The following LIMA1 variants were observed in gnomAD, a reference collection of about 807,000 sequenced individuals.
The protein encoded by LIMA1 is LIM domain and actin binding 1.
LIMA1 carries 52 observed loss-of-function variants against 62.6 expected under a neutral mutation model. The ratio of observed to expected loss-of-function variants is 0.83; its 90% CI spans 0.67 to 1.05. The LOEUF (loss-of-function observed/expected upper bound fraction) is 1.05. Among genes scored for constraint, LIMA1 ranks in the 50% least tolerant of loss-of-function variants. The pLI is 0.00. For missense variants in LIMA1, 780 were observed against 902.2 expected (o/e 0.86, Z 1.74); for synonymous variants, 302 against 317.8 (o/e 0.95, Z 0.53).
chr12:50,212,494 T>C (rs1250031013), intron 4 of LIMA1, among the ~76,000 whole-genome samples: 1 of 152,142 alleles, frequency 6.6e-6, no homozygotes, highest in Non-Finnish European at 1.5e-5. Context: ...TTAATGTAAG[T>C]AAAATAATAC....
chr12:50,193,686 T>TC (rs1491190968), intron 8 of LIMA1, among the ~76,000 whole-genome samples: 13 of 125,380 alleles, frequency 1.0e-4, no homozygotes, highest in Non-Finnish European at 1.6e-5. Context: ...TTTTTTTTTT[T>TC]CAGAGTCTCA....
chr12:50,280,387 T>C (rs1942326569), intron 1 of LIMA1, among the ~76,000 whole-genome samples: 1 of 152,024 alleles, frequency 6.6e-6, no homozygotes, highest in Admixed American at 6.6e-5. Flanking sequence ...CTCGATCTCC[T>C]GACCTCGTGA....
chr12:50,219,332 A>C (rs924854750), intron 4 of LIMA1, among the ~76,000 whole-genome samples: 2 of 151,656 alleles, frequency 1.3e-5, no homozygotes, highest in African/African-American at 4.8e-5. Context: ...TAAACATACA[A>C]AAATTAGCTG....
chr12:50,181,150 A>C (rs1345149557), intron 10 of LIMA1, among the ~76,000 whole-genome samples: 1 of 151,958 alleles, frequency 6.6e-6, no homozygotes, highest in Admixed American at 6.6e-5. Flanking sequence ...TTGGAGAAAA[A>C]AATTAACACA....
intron 3 of LIMA1, among the ~76,000 whole-genome samples, chr12:50,228,400 A>G (rs1941563948): frequency 6.6e-6 from 1 of 152,152 alleles, no homozygotes; most frequent in Admixed American, 6.6e-5. Flanking sequence ...AATGACCTTC[A>G]TGTTGCCAAA....
intron 1 of LIMA1, among the ~76,000 whole-genome samples, chr12:50,278,550 T>C (rs1942301586): frequency 6.6e-6 from 1 of 152,226 alleles, no homozygotes; most frequent in Admixed American, 6.5e-5. Context: ...AGGTTTAGTA[T>C]TTTTAAATTT....
intron 4 of LIMA1, among the ~76,000 whole-genome samples, chr12:50,209,567 C>CAAAAAAAAAAAA (rs1203309856): frequency 1.3e-4 from 8 of 61,660 alleles, no homozygotes; most frequent in African/African-American, 2.8e-4. Flanking sequence ...GACTCCATCT[C>CAAAAAAAAAAAA]AAAAAAAAAA....
At chr12:50,261,042 ATTTTT>A (rs71083524) in intron 1 of LIMA1, among the ~76,000 whole-genome samples, 18 of 54,286 alleles carry the variant, frequency 3.3e-4, no homozygotes, top group South Asian at 2.4e-3. Context: ...CATCTAGTAT[ATTTTT>A]TTTTTTTTTT....
intron 2 of LIMA1, among the ~76,000 whole-genome samples, chr12:50,236,337 G>A (rs867903564): frequency 1.1e-4 from 15 of 134,232 alleles, no homozygotes; most frequent in South Asian, 7.0e-4. Flanking sequence ...TCACTCTGTC[G>A]CCCAGGCTGG....
intron 3 of LIMA1, among the ~76,000 whole-genome samples, chr12:50,226,929 G>C (rs983472879): frequency 1.4e-5 from 2 of 142,272 alleles, no homozygotes; most frequent in African/African-American, 2.6e-5. Context: ...TTTTTTTACA[G>C]GTTTCTCCTC....
At chr12:50,215,762 C>T (rs1195928925) in intron 4 of LIMA1, among the ~76,000 whole-genome samples, 2 of 152,122 alleles carry the variant, frequency 1.3e-5, no homozygotes, top group Non-Finnish European at 2.9e-5. Context: ...CGCGAGCCAC[C>T]GCGCCCGGCC....
chr12:50,263,815 C>CTATATATATATAGAGAGAGTATA (rs1942101159), intron 1 of LIMA1, among the ~76,000 whole-genome samples: 2 of 95,692 alleles, frequency 2.1e-5, no homozygotes, highest in Non-Finnish European at 4.1e-5. Flanking sequence ...GTGTGTGTGT[C>CTATATATATATAGAGAGAGTATA]TATATATATA....
chr12:50,182,222 C>T (rs1165854137), intron 9 of LIMA1, 185 bp from the exon 10 acceptor site: 1 of 570,012 alleles, frequency 1.8e-6, no homozygotes, highest in Non-Finnish European at 3.0e-6. Flanking sequence ...TTGATATTCC[C>T]TTCCCAAACT....
At chr12:50,255,689 G>A (rs1941987237) in intron 1 of LIMA1, among the ~76,000 whole-genome samples, 1 of 149,700 alleles carries the variant, frequency 6.7e-6, no homozygotes, top group Admixed American at 6.7e-5. Flanking sequence ...TTCCCAATTT[G>A]AATGTCATCA....
intron 3 of LIMA1, among the ~76,000 whole-genome samples, chr12:50,231,240 G>A (rs1048947960): frequency 1.3e-5 from 2 of 152,122 alleles, no homozygotes; most frequent in Non-Finnish European, 1.5e-5. Context: ...TAACTAGATT[G>A]GGTCAAGAAG....
chr12:50,218,909 AC>A (rs780317093), intron 4 of LIMA1, among the ~76,000 whole-genome samples: 3,166 of 72,056 alleles, frequency 0.044, 142 homozygotes, highest in African/African-American at 0.14. Flanking sequence ...AAAAAAAAAA[AC>A]AAAAACAAAA....
In LIMA1 at chr12:50,206,088, G is replaced by A. The variant is rs745841289; in HGVS notation, c.631-20C>T. ...GAGAATCTGGAAAACGAAACCCAAC[G>A]ATAAGTTTTGCAGAAACAATGGGAA... On this transcript the variant is annotated intron_variant, in intron 4 of 10. Transcript: ENST00000341247. 6.2e-6 allele frequency: 10 copies of A among 1,604,614 alleles called. No individual in the cohort carries two copies. Among genetic ancestry groups the A allele is most frequent in the Middle Eastern group, 1.7e-4 (1 of 6,028 alleles).
intron 7 of LIMA1, among the ~76,000 whole-genome samples, chr12:50,200,329 G>A (rs750998122): frequency 4.0e-5 from 6 of 151,856 alleles, no homozygotes; most frequent in Non-Finnish European, 5.9e-5. Context: ...ACAGCCTCCC[G>A]AGCAGCTGGG....
At chr12:50,282,923 G>A (rs554622556) in intron 1 of LIMA1, among the ~76,000 whole-genome samples, 1 of 152,284 alleles carries the variant, frequency 6.6e-6, no homozygotes, top group Admixed American at 6.5e-5. Flanking sequence ...ATGACACATC[G>A]GCTGCAAGGA....
Sources: allele counts gnomAD v4.1 joint callset (sites outside exome capture counted in the v4.1 genomes callset), GRCh38; gene constraint gnomAD v4.1.1; transcripts MANE v1.5; gene names NCBI Gene and HGNC (gene_info 2026-07-23, HGNC 2026-07-21).